ESF1: variants seen among roughly 807,000 people sequenced by gnomAD.
The protein encoded by ESF1 is ESF1 nucleolar pre-rRNA processing protein, also known as ESF1 homolog.
In ESF1, 58 loss-of-function variants were observed where a neutral mutation model predicts 92.0. The observed-to-expected ratio is 0.63, with a 90% CI of 0.51 to 0.78. The LOEUF is 0.78. Among genes scored for constraint, ESF1 ranks in the 30% least tolerant of loss-of-function variants. The pLI is 0.00. For missense variants in ESF1, 922 were observed against 989.1 expected, an observed-to-expected ratio of 0.93 and a Z score of 0.91; for synonymous variants, 321 against 313.7, an observed-to-expected ratio of 1.02 and a Z score of -0.24.
intron 8 of ESF1, among the ~76,000 whole-genome samples, chr20:13,763,974 A>G (rs1979318768): frequency 2.0e-5 from 3 of 152,228 alleles, no homozygotes; most frequent in Admixed American, 1.3e-4. Flanking sequence ...TGTCTTCAGG[A>G]GTCTAAAAGA....
At chr20:13,752,980 T>C (rs1978708434) in intron 9 of ESF1, among the ~76,000 whole-genome samples, 1 of 152,194 alleles carries the variant, frequency 6.6e-6, no homozygotes, top group Non-Finnish European at 1.5e-5. Context: ...TCTAGTTTTC[T>C]GGTTTCCATG....
chr20:13,727,035 A>G (rs1186012297), intron 11 of ESF1, among the ~76,000 whole-genome samples: 1 of 152,202 alleles, frequency 6.6e-6, no homozygotes, highest in Admixed American at 6.5e-5. Context: ...CTCAATTTAA[A>G]TGTGTTGATT....
chr20:13,733,054 T>C (rs1374937834), intron 10 of ESF1, among the ~76,000 whole-genome samples: 1 of 151,766 alleles, frequency 6.6e-6, no homozygotes, highest in East Asian at 1.9e-4. Flanking sequence ...GCCTCCCAAG[T>C]AGCTGGGATT....
chr20:13,754,378 T>A (rs1600282781), intron 9 of ESF1, among the ~76,000 whole-genome samples: 1 of 152,198 alleles, frequency 6.6e-6, no homozygotes. Context: ...GATGTTAGAG[T>A]GCTCCAAGGA....
chr20:13,783,584 G>A (rs1251839170), intron 1 of ESF1, among the ~76,000 whole-genome samples: 1 of 152,194 alleles, frequency 6.6e-6, no homozygotes, highest in Non-Finnish European at 1.5e-5. Context: ...ACTTTCGGAG[G>A]CCAAGGCGGG....
intron 4 of ESF1, among the ~76,000 whole-genome samples, chr20:13,774,094 C>CA (rs1346458775): frequency 0.025 from 3,435 of 135,100 alleles, 130 homozygotes; most frequent in African/African-American, 0.084. Flanking sequence ...GACTCCATCT[C>CA]AAAAAAAAAA....
chr20:13,720,433 A>G (rs1437783330), intron 11 of ESF1, among the ~76,000 whole-genome samples: 1 of 152,180 alleles, frequency 6.6e-6, no homozygotes, highest in Admixed American at 6.5e-5. Flanking sequence ...AGCATTGCCT[A>G]TGAAGTATGC....
intron 7 of ESF1, 74 bp downstream of exon 7, chr20:13,769,833 G>A: frequency 4.2e-6 from 4 of 954,206 alleles, no homozygotes; most frequent in Non-Finnish European, 6.6e-6. Flanking sequence ...TTTTAAAGAT[G>A]CTATAAGTAA....
intron 1 of ESF1, among the ~76,000 whole-genome samples, chr20:13,783,640 G>A (rs773013548): frequency 6.6e-6 from 1 of 152,148 alleles, no homozygotes; most frequent in African/African-American, 2.4e-5. Context: ...GGGTAACATG[G>A]TGAATCCCCA....
At chr20:13,768,761 G>C (rs999518269) in intron 7 of ESF1, among the ~76,000 whole-genome samples, 1 of 151,632 alleles carries the variant, frequency 6.6e-6, no homozygotes, top group Non-Finnish European at 1.5e-5. Flanking sequence ...GCTGGGTGTG[G>C]TGGCACACAC....
In ESF1 at chr20:13,783,149, C is replaced by A; in HGVS notation, c.-9G>T. 1 of 1,588,546 alleles carries A rather than the reference C, an allele frequency of 6.3e-7. No individual in the cohort carries two copies. The highest frequency in any genetic ancestry group is 1.8e-4 in the Middle Eastern group (1 of 5,490). On this transcript the variant is annotated 5_prime_UTR_variant, in exon 2 of 14. Transcript: ENST00000617257. ...TCTTGTTTGGATGACATTTTTAATT[C>A]TTAATCTCGACCAAATGCTTGAAGA... is the stretch of plus-strand genomic sequence containing the variant.
At chr20:13,726,894 C>T (rs1264382086) in intron 11 of ESF1, among the ~76,000 whole-genome samples, 2 of 152,254 alleles carry the variant, frequency 1.3e-5, no homozygotes, top group Non-Finnish European at 2.9e-5. Context: ...CACACAAAAA[C>T]AGAAAAGCCC....
At chr20:13,741,293 A>G (rs2050011918) in intron 9 of ESF1, among the ~76,000 whole-genome samples, 1 of 152,208 alleles carries the variant, frequency 6.6e-6, no homozygotes, top group African/African-American at 2.4e-5. Context: ...CACCAAGGAT[A>G]CCACATACTA....
At position 13,784,866 on chromosome 20, in the gene ESF1, C is replaced by G; in HGVS notation, c.-44+14G>C. The G allele has an allele frequency of 1.7e-6, 1 of 601,926 alleles. No individual in the cohort carries two copies. Among genetic ancestry groups the G allele is most frequent in the Admixed American group, 2.9e-5 (1 of 34,150 alleles). The allele number at this position is 601,926 out of a possible 1,614,324, so 37.3% of individuals were successfully genotyped here. A position where few individuals can be genotyped will look rare whatever the true frequency, so the allele number is the denominator to read the frequency against. On this transcript the variant is annotated intron_variant, in intron 1 of 13. Coordinates refer to ENST00000617257, the MANE Select transcript of ESF1 (RefSeq NM_001276380.2). The stretch of plus-strand genomic sequence containing the variant: ...TCATCTCGAGCTCTTCAACTCCAGT[C>G]CATCCCCACTCACCGTCCGCAGTCC...
chr20:13,768,298 C>G (rs1600290522), intron 7 of ESF1, among the ~76,000 whole-genome samples: 1 of 152,200 alleles, frequency 6.6e-6, no homozygotes, highest in African/African-American at 2.4e-5. Flanking sequence ...CTGCAGAGTA[C>G]AGCTGTGGAC....
At chr20:13,733,997 A>G (rs746065089) in intron 9 of ESF1, among the ~76,000 whole-genome samples, 155 bp from the exon 10 acceptor site, 3 of 152,232 alleles carry the variant, frequency 2.0e-5, no homozygotes, top group African/African-American at 4.8e-5. Flanking sequence ...CCAATATCAT[A>G]CAGTGACATA....
intron 9 of ESF1, among the ~76,000 whole-genome samples, chr20:13,749,232 ATTTTTTTTTTTTTTTT>A (rs71188184): frequency 1.1e-5 from 1 of 89,664 alleles, no homozygotes; most frequent in Admixed American, 1.5e-4. Context: ...TGCCCGGCTA[ATTTTTTTTTTTTTTTT>A]TTTTTTTTTT....
chr20:13,783,307 T>C, intron 1 of ESF1, 124 bp from the exon 2 acceptor site: 1 of 785,342 alleles, frequency 1.3e-6, no homozygotes, highest in Non-Finnish European at 1.9e-6. Flanking sequence ...AAAATAGAGG[T>C]AACAAGTCTA....
intron 1 of ESF1, 64 bp downstream of exon 1, chr20:13,784,814 CCA>C: frequency 5.2e-3 from 2,748 of 528,422 alleles, no homozygotes; most frequent in Middle Eastern, 8.8e-3. Flanking sequence ...TTTCCCCGCG[CCA>C]CACACACACA....
Sources: allele counts gnomAD v4.1 joint callset (sites outside exome capture counted in the v4.1 genomes callset), GRCh38; gene constraint gnomAD v4.1.1; transcripts MANE v1.5; gene names NCBI Gene and HGNC (gene_info 2026-07-23, HGNC 2026-07-21).